The following KLF12 variants were observed in gnomAD, a reference collection of about 807,000 sequenced individuals.
KLF12 encodes the protein KLF transcription factor 12.
A neutral mutation model predicts 37.8 loss-of-function variants in KLF12; 9 were observed. The observed-to-expected ratio is 0.24, with a 90% CI of 0.14 to 0.42. The LOEUF (loss-of-function observed/expected upper bound fraction) is 0.42. Ranked by LOEUF, KLF12 falls within the 10% of genes least tolerant of loss-of-function variation. The probability of loss-of-function intolerance (pLI) is 1.00; values close to 1 mark genes in which losing one functional copy is unlikely to be tolerated. For synonymous variants in KLF12, 208 were observed against 202.1 expected, an observed-to-expected ratio of 1.03 and a Z score of -0.25; for missense variants, 411 against 516.0, an observed-to-expected ratio of 0.80 and a Z score of 1.97.
chr13:74,148,764 T>C, the KLF12 span, among the ~76,000 whole-genome samples: 5 of 152,300 alleles, frequency 3.3e-5, no homozygotes, highest in African/African-American at 1.2e-4. Context: ...TTTGTTTTGT[T>C]TTGATGCTCT....
intron 3 of KLF12, among the ~76,000 whole-genome samples, chr13:73,921,612 A>C (rs1042545096): frequency 2.0e-5 from 3 of 152,226 alleles, no homozygotes; most frequent in Non-Finnish European, 2.9e-5. Context: ...ATATGCAATA[A>C]TACATATTAA....
chr13:74,305,859 C>A, the KLF12 span, among the ~76,000 whole-genome samples: 1 of 152,000 alleles, frequency 6.6e-6, no homozygotes, highest in South Asian at 2.1e-4. Flanking sequence ...GCTGTCTCTA[C>A]AATTCTCTGA....
intron 3 of KLF12, among the ~76,000 whole-genome samples, chr13:73,928,347 G>A (rs1279672891): frequency 6.6e-6 from 1 of 152,224 alleles, no homozygotes; most frequent in African/African-American, 2.4e-5. Context: ...TTAAGCAAGT[G>A]ATCATTATGT....
At chr13:74,241,691 C>T in the KLF12 span, among the ~76,000 whole-genome samples, 2 of 152,156 alleles carry the variant, frequency 1.3e-5, no homozygotes, top group Admixed American at 1.3e-4. Flanking sequence ...GCGCAGTATT[C>T]GGGTGGGAGT....
rs184304954 is a variant in KLF12, at chr13:73,790,266, T to G, written c.806+22886A>C. Among the ~76,000 whole-genome samples the G allele has an allele frequency of 4.6e-3, 695 of 152,348 alleles. 4 individuals carry two copies. Among genetic ancestry groups the G allele is most frequent in the African/African-American group, 0.016 (680 of 41,574 alleles). The stretch of plus-strand genomic sequence containing the variant: ...TTATAGCTAATCCTTAACTTACAAA[T>G]GATGTTTGAATGGTCAAACTTTTCA... On this transcript the variant is annotated intron_variant, in intron 5 of 7. Transcript: ENST00000377669.
the KLF12 span, among the ~76,000 whole-genome samples, chr13:74,295,882 C>G: frequency 6.6e-6 from 1 of 152,130 alleles, no homozygotes; most frequent in South Asian, 2.1e-4. Context: ...GGCGTGATCT[C>G]AGTTCACTGC....
At chr13:74,222,001 A>G in the KLF12 span, among the ~76,000 whole-genome samples, 3 of 152,278 alleles carry the variant, frequency 2.0e-5, no homozygotes, top group African/African-American at 7.2e-5. Context: ...CCTTTACCCT[A>G]CCACACCTGA....
the KLF12 span, among the ~76,000 whole-genome samples, chr13:74,236,013 T>C: frequency 6.6e-6 from 1 of 150,546 alleles, no homozygotes; most frequent in Non-Finnish European, 1.5e-5. Context: ...GTTACATATG[T>C]ATACATGTGC....
intron 1 of KLF12, among the ~76,000 whole-genome samples, chr13:74,018,835 A>G (rs181624586): frequency 3.0e-4 from 46 of 152,300 alleles, no homozygotes; most frequent in African/African-American, 9.9e-4. Context: ...TTCTGTCTCA[A>G]TGGCAATGGT....
chr13:73,788,421 A>G (rs1330953104), intron 5 of KLF12, among the ~76,000 whole-genome samples: 1 of 152,206 alleles, frequency 6.6e-6, no homozygotes, highest in Non-Finnish European at 1.5e-5. Flanking sequence ...TGAAGATACA[A>G]AATGATGGCC....
chr13:73,915,156 T>C (rs2139177227), intron 3 of KLF12, among the ~76,000 whole-genome samples: 1 of 152,290 alleles, frequency 6.6e-6, no homozygotes, highest in East Asian at 1.9e-4. Flanking sequence ...TTCTGTTCCA[T>C]CCTCACACTG....
chr13:74,264,210 A>C, the KLF12 span, among the ~76,000 whole-genome samples: 9 of 152,172 alleles, frequency 5.9e-5, no homozygotes, highest in Non-Finnish European at 1.0e-4. Flanking sequence ...AAAAAAACTA[A>C]CTGGGTGTGT....
At chr13:73,882,014 A>G (rs1311743390) in intron 3 of KLF12, among the ~76,000 whole-genome samples, 2 of 152,218 alleles carry the variant, frequency 1.3e-5, no homozygotes, top group African/African-American at 4.8e-5. Flanking sequence ...ATGAACAGAA[A>G]TTAAAAACTA....
the KLF12 span, among the ~76,000 whole-genome samples, chr13:74,182,813 G>T: frequency 6.6e-6 from 1 of 151,994 alleles, no homozygotes. Flanking sequence ...AGACAAGTTT[G>T]GGAAATGCTT....
intron 5 of KLF12, among the ~76,000 whole-genome samples, chr13:73,784,952 C>A (rs1002896907): frequency 6.6e-6 from 1 of 151,916 alleles, no homozygotes; most frequent in African/African-American, 2.4e-5. Flanking sequence ...CCTTCTTTAG[C>A]TCTTTCTTTA....
intron 7 of KLF12, among the ~76,000 whole-genome samples, chr13:73,713,185 G>A (rs1018151464): frequency 6.6e-6 from 1 of 152,156 alleles, no homozygotes; most frequent in African/African-American, 2.4e-5. Context: ...GAGGAACACC[G>A]GGGCCAGTGA....
intron 1 of KLF12, among the ~76,000 whole-genome samples, chr13:74,073,974 A>G (rs1874422114): frequency 6.6e-6 from 1 of 152,232 alleles, no homozygotes; most frequent in Non-Finnish European, 1.5e-5. Flanking sequence ...TATATTTTCA[A>G]TAGAAGCACT....
chr13:73,937,857 G>A (rs1202923413), intron 3 of KLF12, among the ~76,000 whole-genome samples: 3 of 151,934 alleles, frequency 2.0e-5, no homozygotes, highest in Non-Finnish European at 4.4e-5. Flanking sequence ...TTTAGTGGAG[G>A]ATACCTCTTC....
At chr13:73,870,318 T>C (rs1228902486) in intron 3 of KLF12, among the ~76,000 whole-genome samples, 2 of 152,204 alleles carry the variant, frequency 1.3e-5, no homozygotes, top group Non-Finnish European at 1.5e-5. Context: ...GCCCATATAC[T>C]ATGCTGCAAT....
Sources: allele counts gnomAD v4.1 joint callset (sites outside exome capture counted in the v4.1 genomes callset), GRCh38; gene constraint gnomAD v4.1.1; transcripts MANE v1.5; gene names NCBI Gene and HGNC (gene_info 2026-07-23, HGNC 2026-07-21).